The following ATAD2B variants were observed in gnomAD, a reference collection of about 807,000 sequenced individuals.
The protein encoded by ATAD2B is ATPase family AAA domain containing 2B.
Under a neutral mutation model 167.6 loss-of-function variants are expected in ATAD2B, and 40 were observed. The observed-to-expected ratio is 0.24, with a 90% confidence interval of 0.19 to 0.31. The LOEUF is 0.31. Among genes scored for constraint, ATAD2B ranks in the 10% least tolerant of loss-of-function variants. The pLI, the probability that ATAD2B is intolerant of heterozygous loss-of-function variation, is 1.00. For synonymous variants in ATAD2B, 579 were observed against 596.5 expected (o/e 0.97, Z 0.43); for missense variants, 1,242 against 1,757.2 (o/e 0.71, Z 5.24).
intron 12 of ATAD2B, 135 bp downstream of exon 12, chr2:23,863,246 C>T (rs1196544593): frequency 2.5e-6 from 2 of 805,694 alleles, no homozygotes; most frequent in African/African-American, 1.8e-5. Flanking sequence ...GATGTCAAGA[C>T]AGTAGTGAGA....
rs919383658 is a variant in ATAD2B, at chr2:23,807,282, GCACACACATA to G, written c.2454+3024_2454+3033del. Among the ~76,000 whole-genome samples the G allele has an allele frequency of 1.0e-4, 11 of 106,788 alleles. No homozygotes were observed. The Admixed American group carries it at 1.2e-3, about 12-fold the overall frequency. The allele number at this position is 106,788 out of a possible 152,430, so 70.1% of individuals were successfully genotyped here. A position where few individuals can be genotyped will look rare whatever the true frequency, so the allele number is the denominator to read the frequency against. ...TTAATAGTAGTGTGTACACACACATGCACACACATACACACACTAGAAAGTACATTCACAT... is the reference window on the plus strand; with the variant it reads ...TTAATAGTAGTGTGTACACACACATGCACACACTAGAAAGTACATTCACAT... On this transcript the variant is annotated intron_variant, in intron 18 of 27. Coordinates refer to ENST00000238789, the MANE Select transcript of ATAD2B (RefSeq NM_017552.4).
At chr2:23,809,736 C>T (rs1232800902) in intron 18 of ATAD2B, among the ~76,000 whole-genome samples, 1 of 152,126 alleles carries the variant, frequency 6.6e-6, no homozygotes, top group African/African-American at 2.4e-5. Flanking sequence ...AACCTCATCC[C>T]TAGTTTCAAT....
rs188196071 is a variant in ATAD2B at position 23,923,788 on chromosome 2, A to G, written c.216+2767T>C. On this transcript the variant is annotated intron_variant, in intron 1 of 27. Coordinates refer to ENST00000238789, the MANE Select transcript of ATAD2B (RefSeq NM_017552.4). ...AACTTTAAGAAAAGCTCATAGCGCT[A>G]TGACTTTTTAAAGCAAATAAAATGT... 2.2e-3 allele frequency among the ~76,000 whole-genome samples: 339 copies of G among 152,346 alleles called. 2 individuals are homozygous for G. The highest frequency in any genetic ancestry group is 7.9e-3 in the African/African-American group (330 of 41,572).
intron 1 of ATAD2B, among the ~76,000 whole-genome samples, chr2:23,921,874 G>A (rs1703982223): frequency 6.6e-6 from 1 of 152,032 alleles, no homozygotes; most frequent in Non-Finnish European, 1.5e-5. Flanking sequence ...ATTTTCCCCT[G>A]CTCATCTGAG....
chr2:23,799,642 A>G (rs1341093478), intron 18 of ATAD2B, among the ~76,000 whole-genome samples: 2 of 151,930 alleles, frequency 1.3e-5, no homozygotes, highest in Non-Finnish European at 2.9e-5. Context: ...AACTATCCTA[A>G]GAATCAAGTA....
At chr2:23,905,359 A>G (rs888923698) in intron 1 of ATAD2B, among the ~76,000 whole-genome samples, 1 of 152,164 alleles carries the variant, frequency 6.6e-6, no homozygotes, top group Non-Finnish European at 1.5e-5. Context: ...ACTTGTCTCT[A>G]CAAAAAGTTT....
At chr2:23,742,374 A>AG in the ATAD2B span, among the ~76,000 whole-genome samples, 4 of 123,836 alleles carry the variant, frequency 3.2e-5, no homozygotes, top group Admixed American at 3.9e-4. Context: ...CTATGCAGCC[A>AG]TAAAAAATGA....
chr2:23,880,787 A>G, intron 6 of ATAD2B, 32 bp from the exon 7 acceptor site: 1 of 1,303,596 alleles, frequency 7.7e-7, no homozygotes, highest in Non-Finnish European at 1.1e-6. Context: ...GAAAAGAAAA[A>G]GGCATTATTT....
intron 13 of ATAD2B, among the ~76,000 whole-genome samples, chr2:23,852,976 C>CAGGAGA (rs141138597): frequency 0.022 from 3,345 of 150,034 alleles, 372 homozygotes; most frequent in Admixed American, 0.19. Flanking sequence ...TAATAGAATA[C>CAGGAGA]AGGAGAAAAG....
At chr2:23,830,150 A>C (rs894939052) in intron 14 of ATAD2B, among the ~76,000 whole-genome samples, 2 of 151,946 alleles carry the variant, frequency 1.3e-5, no homozygotes, top group South Asian at 2.1e-4. Flanking sequence ...CACCTGGCTA[A>C]TTTTTGTATT....
At chr2:23,696,489 C>T in the ATAD2B span, 5 of 1,538,198 alleles carry the variant, frequency 3.3e-6, no homozygotes, top group Admixed American at 4.0e-5. The surrounding 1 kb of genome is among the most constrained non-coding windows in gnomAD (Gnocchi z 5.5). Context: ...CTTGGCGTGG[C>T]AGGCAACGTG....
chr2:23,815,847 A>G (rs1686357323), intron 17 of ATAD2B, among the ~76,000 whole-genome samples: 1 of 152,208 alleles, frequency 6.6e-6, no homozygotes, highest in Non-Finnish European at 1.5e-5. Context: ...ACTATCTTCT[A>G]CATTTTTTCC....
At chr2:23,911,729 C>T (rs12612830) in intron 1 of ATAD2B, among the ~76,000 whole-genome samples, 18,315 of 152,146 alleles carry the variant, frequency 0.12, 1,196 homozygotes, top group Middle Eastern at 0.21. Context: ...AATCCCAGCA[C>T]TTTGCGAGGC....
At chr2:23,738,408 G>A in the ATAD2B span, among the ~76,000 whole-genome samples, 1 of 152,168 alleles carries the variant, frequency 6.6e-6, no homozygotes, top group Non-Finnish European at 1.5e-5. Flanking sequence ...CATTCTTAAA[G>A]AAAAGAATTT....
chr2:23,878,020 AAAAAAAAAAAAAAAAAAAAGC>A, intron 7 of ATAD2B, among the ~76,000 whole-genome samples: 2 of 140,704 alleles, frequency 1.4e-5, no homozygotes, highest in African/African-American at 5.2e-5. Flanking sequence ...CAAAGAAAAA[AAAAAAAAAAAAAAAAAAAAGC>A]AAAATGTATA....
At chr2:23,735,119 T>G in the ATAD2B span, among the ~76,000 whole-genome samples, 2 of 152,218 alleles carry the variant, frequency 1.3e-5, no homozygotes, top group Non-Finnish European at 1.5e-5. Flanking sequence ...CAAATATCTT[T>G]ACACTTGTCC....
At chr2:23,728,368 A>T in the ATAD2B span, among the ~76,000 whole-genome samples, 16 of 152,222 alleles carry the variant, frequency 1.1e-4, no homozygotes, top group African/African-American at 3.9e-4. Context: ...CCAGGTAGAT[A>T]AACTAATGAG....
At chr2:23,744,361 T>G (rs1674688760), downstream of ATAD2B, among the ~76,000 whole-genome samples, 1 of 152,108 alleles carries the variant, frequency 6.6e-6, no homozygotes, top group Admixed American at 6.5e-5. Context: ...TAGAACTACT[T>G]CATTCTTTAA....
rs1680783332 is a variant in ATAD2B at position 23,786,193 on chromosome 2, G to A, written c.2807C>T (p.Ala936Val). ...ALCAMEVLPL[A>V]LPSPPRQLSE... ...TAATTGACGAGGTGGAGAAGGTAGT[G>A]CAAGAGGAAGCACTTCCATAGCACA... is the stretch of plus-strand genomic sequence containing the variant. The change falls in exon 21 of 28, where the codon GCA becomes GTA. Residue 936 changes from alanine to valine, a missense_variant. This residue lies in a region of ATAD2B where 204 missense variants were observed against 324.0 expected (regional missense o/e 0.63). Transcript: ENST00000238789. 1 of 1,586,136 alleles carries A rather than the reference G, an allele frequency of 6.3e-7. No homozygotes were observed. The highest frequency in any genetic ancestry group is 8.6e-7 in the Non-Finnish European group (1 of 1,165,428).
Sources: gnomAD v4.1 joint callset for allele counts (sites outside exome capture counted in the v4.1 genomes callset) on GRCh38, gnomAD v4.1.1 for gene constraint, gnomAD v4.1.1 regional missense constraint, Gnocchi (gnomAD v3.1) non-coding constraint, MANE v1.5 for transcripts, NCBI Gene and HGNC (gene_info 2026-07-23, HGNC 2026-07-21) for gene names.